SHANK2: variants seen among roughly 807,000 people sequenced by gnomAD.
The protein encoded by SHANK2 is SH3 and multiple ankyrin repeat domains 2.
SHANK2 carries 43 observed loss-of-function variants against 133.7 expected under a neutral mutation model. The ratio of observed to expected loss-of-function variants is 0.32; its 90% confidence interval spans 0.25 to 0.41. The LOEUF is 0.41. Among genes scored for constraint, SHANK2 ranks in the 10% least tolerant of loss-of-function variants. SHANK2 has a pLI of 1.00. For synonymous variants in SHANK2, 1,017 were observed against 952.8 expected, an observed-to-expected ratio of 1.07 and a Z score of -1.24; for missense variants, 1,994 against 2,235.8, an observed-to-expected ratio of 0.89 and a Z score of 2.18.
At chr11:70,872,798 T>C (rs1410554458) in intron 11 of SHANK2, among the ~76,000 whole-genome samples, 1 of 151,896 alleles carries the variant, frequency 6.6e-6, no homozygotes, top group Non-Finnish European at 1.5e-5. Flanking sequence ...GTCCTAAGGG[T>C]CGTGGGGGCT....
chr11:70,505,407 G>A (rs1253078310), intron 17 of SHANK2, among the ~76,000 whole-genome samples: 2 of 151,966 alleles, frequency 1.3e-5, no homozygotes, highest in African/African-American at 2.4e-5. Flanking sequence ...AGGCTGCCCA[G>A]GCTCAGGAGC....
At chr11:70,581,219 A>C (rs1302167992) in intron 17 of SHANK2, among the ~76,000 whole-genome samples, 1 of 152,216 alleles carries the variant, frequency 6.6e-6, no homozygotes, top group Non-Finnish European at 1.5e-5. Flanking sequence ...TAGTCACTGA[A>C]ATAAAACCAC....
intron 3 of SHANK2, among the ~76,000 whole-genome samples, chr11:71,132,192 C>T (rs782768835): frequency 3.3e-5 from 5 of 152,134 alleles, no homozygotes; most frequent in Non-Finnish European, 5.9e-5. Flanking sequence ...TGGAGGCTGG[C>T]GGGGAGGCAG....
In SHANK2 at chr11:70,839,509, A is replaced by G. The variant is rs553181751; in HGVS notation, c.1175-18827T>C. On this transcript the variant is annotated intron_variant, in intron 11 of 25. Coordinates refer to ENST00000601538, the MANE Select transcript of SHANK2 (RefSeq NM_012309.5). Reference sequence around the variant, plus strand: ...GGACCACTGACTACGTAAGCCAAAAAGTCCTGAGCAGACAGGAGGTGCAGC... The same window carrying G: ...GGACCACTGACTACGTAAGCCAAAAGGTCCTGAGCAGACAGGAGGTGCAGC... 1.1e-4 allele frequency among the ~76,000 whole-genome samples: 16 copies of G among 152,350 alleles called. No homozygotes were observed. The South Asian group carries it at 3.3e-3, about 32-fold the overall frequency.
At chr11:70,725,633 C>T (rs568609877) in intron 14 of SHANK2, among the ~76,000 whole-genome samples, 2 of 152,278 alleles carry the variant, frequency 1.3e-5, no homozygotes, top group Admixed American at 6.5e-5. Flanking sequence ...CAAGAGGATG[C>T]GAGGAGAAAA....
At chr11:71,233,710 C>G (rs531119050) in intron 1 of SHANK2, among the ~76,000 whole-genome samples, 3 of 152,288 alleles carry the variant, frequency 2.0e-5, no homozygotes, top group African/African-American at 7.2e-5. Context: ...GGGGGATGCT[C>G]CTTCCCCCAG....
At position 70,805,298 on chromosome 11, in the gene SHANK2, G is replaced by A. The variant is rs868935844; in HGVS notation, c.1663+1704C>T. Among the ~76,000 whole-genome samples the A allele has an allele frequency of 2.0e-4, 30 of 152,338 alleles. No homozygotes were observed. The Middle Eastern group carries it at 0.014, about 69-fold the overall frequency. On this transcript the variant is annotated intron_variant, in intron 13 of 25. Transcript: ENST00000601538. ...AGGGACAGGCCTGGACAAGAAGACC[G>A]TGTGTCCCTTCCTGCTCTGGAGAGA...
chr11:70,832,415 C>T (rs1948738947), intron 11 of SHANK2, among the ~76,000 whole-genome samples: 1 of 152,174 alleles, frequency 6.6e-6, no homozygotes, highest in Non-Finnish European at 1.5e-5. Flanking sequence ...GCAGACAGAC[C>T]ACTCCTAAGG....
chr11:70,817,417 GGA>G (rs1948422281), intron 12 of SHANK2, among the ~76,000 whole-genome samples: 1 of 152,190 alleles, frequency 6.6e-6, no homozygotes, highest in Admixed American at 6.5e-5. Flanking sequence ...AAGAAAGAAG[GGA>G]CTGACGGGTC....
At chr11:70,722,932 A>C (rs1170576990) in intron 14 of SHANK2, among the ~76,000 whole-genome samples, 1 of 152,236 alleles carries the variant, frequency 6.6e-6, no homozygotes, top group Non-Finnish European at 1.5e-5. Flanking sequence ...CTTTCAAAAG[A>C]AACCTACTTT....
At chr11:71,153,328 A>G (rs1176185270) in intron 2 of SHANK2, among the ~76,000 whole-genome samples, 3 of 152,142 alleles carry the variant, frequency 2.0e-5, no homozygotes, top group Non-Finnish European at 2.9e-5. Flanking sequence ...CCCCAGGTCC[A>G]TGAACTTCAA....
chr11:70,948,590 T>C (rs149005893), intron 10 of SHANK2, among the ~76,000 whole-genome samples: 2 of 152,294 alleles, frequency 1.3e-5, no homozygotes, highest in Non-Finnish European at 1.5e-5. Context: ...AAGCTACTTC[T>C]AAATGACTGA....
intron 11 of SHANK2, among the ~76,000 whole-genome samples, chr11:70,846,973 G>A (rs1257699210): frequency 6.6e-6 from 1 of 152,220 alleles, no homozygotes; most frequent in African/African-American, 2.4e-5. Context: ...CACGGGGACT[G>A]GCTGCTGCTC....
chr11:71,165,127 G>C (rs112912681), intron 2 of SHANK2, among the ~76,000 whole-genome samples: 1 of 150,894 alleles, frequency 6.6e-6, no homozygotes, highest in African/African-American at 2.4e-5. Flanking sequence ...TCCACCTCCC[G>C]GGTTCAAGTG....
chr11:71,071,034 C>T (rs1339766672), intron 9 of SHANK2, among the ~76,000 whole-genome samples: 1 of 152,240 alleles, frequency 6.6e-6, no homozygotes, highest in Non-Finnish European at 1.5e-5. Flanking sequence ...GAAACATCAA[C>T]ACTTTCAAAT....
At position 70,623,385 on chromosome 11, in the gene SHANK2, G is replaced by A. The variant is rs142383380; in HGVS notation, c.2061+36443C>T. ...ATTGCTTATGCTCCACGCACCATTTGCCCTTTTGGAGGATCATCGTTATTT... is the reference window on the plus strand; with the variant it reads ...ATTGCTTATGCTCCACGCACCATTTACCCTTTTGGAGGATCATCGTTATTT... On this transcript the variant is annotated intron_variant, in intron 17 of 25. Coordinates refer to ENST00000601538, the MANE Select transcript of SHANK2 (RefSeq NM_012309.5). Among the ~76,000 whole-genome samples the A allele has an allele frequency of 2.4e-3, 358 of 152,284 alleles. 2 individuals are homozygous for A. Among genetic ancestry groups the A allele is most frequent in the African/African-American group, 7.8e-3 (324 of 41,560 alleles).
chr11:70,854,995 G>A (rs1466491585), intron 11 of SHANK2, among the ~76,000 whole-genome samples: 1 of 152,230 alleles, frequency 6.6e-6, no homozygotes, highest in Non-Finnish European at 1.5e-5. Context: ...AGATGTTCAT[G>A]ACTGTCCATC....
At chr11:70,741,984 T>C (rs1208207311) in intron 14 of SHANK2, among the ~76,000 whole-genome samples, 1 of 152,192 alleles carries the variant, frequency 6.6e-6, no homozygotes, top group African/African-American at 2.4e-5. Flanking sequence ...TCCCACCTGG[T>C]TCCCCTGCTG....
intron 17 of SHANK2, among the ~76,000 whole-genome samples, chr11:70,656,168 A>G (rs1345784502): frequency 1.3e-5 from 2 of 152,164 alleles, no homozygotes; most frequent in Non-Finnish European, 2.9e-5. Context: ...AAGGGGCCTA[A>G]TAAGGGCCAT....
Sources: allele counts gnomAD v4.1 joint callset (sites outside exome capture counted in the v4.1 genomes callset), GRCh38; gene constraint gnomAD v4.1.1; transcripts MANE v1.5; gene names NCBI Gene and HGNC (gene_info 2026-07-23, HGNC 2026-07-21).